AGBL4: variants seen among roughly 807,000 people sequenced by gnomAD.
The protein encoded by AGBL4 is AGBL carboxypeptidase 4.
Under a neutral mutation model 66.4 loss-of-function variants are expected in AGBL4, and 58 were observed. The observed-to-expected ratio is 0.87, with a 90% CI of 0.71 to 1.09. The LOEUF (loss-of-function observed/expected upper bound fraction) is 1.09. AGBL4 is among the 50% of genes least tolerant of loss of function. The pLI is 0.00. For missense variants in AGBL4, 579 were observed against 631.0 expected (o/e 0.92, Z 0.88); for synonymous variants, 234 against 222.9 (o/e 1.05, Z -0.44).
intron 3 of AGBL4, among the ~76,000 whole-genome samples, chr1:49,629,968 C>T (rs1452884328): frequency 1.3e-5 from 2 of 152,104 alleles, no homozygotes; most frequent in South Asian, 2.1e-4. Flanking sequence ...TCTGGTTTGT[C>T]GATAGGGACA....
At chr1:50,019,069 C>T (rs2148449528) in intron 1 of AGBL4, among the ~76,000 whole-genome samples, 1 of 152,116 alleles carries the variant, frequency 6.6e-6, no homozygotes, top group South Asian at 2.1e-4. Flanking sequence ...TGTTTGATTA[C>T]ATCTTACTAT....
intron 4 of AGBL4, among the ~76,000 whole-genome samples, chr1:49,220,865 T>C (rs974629090): frequency 3.3e-5 from 5 of 152,196 alleles, no homozygotes; most frequent in Admixed American, 2.6e-4. Flanking sequence ...CTATGAAGAT[T>C]AATGCAGGAA....
intron 6 of AGBL4, among the ~76,000 whole-genome samples, chr1:48,822,245 CAT>C (rs1646332350): frequency 6.6e-6 from 1 of 152,118 alleles, no homozygotes; most frequent in Non-Finnish European, 1.5e-5. Flanking sequence ...ATGATGATAG[CAT>C]ATTTTTCCAG....
chr1:49,988,645 A>G (rs923576274), intron 1 of AGBL4, among the ~76,000 whole-genome samples: 2 of 152,210 alleles, frequency 1.3e-5, no homozygotes, highest in Non-Finnish European at 2.9e-5. Context: ...GACTAGTTTT[A>G]CTATTTAACT....
chr1:49,392,024 T>C (rs1644861516), intron 3 of AGBL4, among the ~76,000 whole-genome samples: 1 of 152,200 alleles, frequency 6.6e-6, no homozygotes, highest in African/African-American at 2.4e-5. Flanking sequence ...GTTCTAGATA[T>C]AACTTGATCT....
intron 3 of AGBL4, among the ~76,000 whole-genome samples, chr1:49,394,476 A>G (rs1007232980): frequency 6.6e-6 from 1 of 152,084 alleles, no homozygotes; most frequent in Admixed American, 6.6e-5. Context: ...TGTAAGAAAC[A>G]CAGGGTCAGA....
intron 2 of AGBL4, among the ~76,000 whole-genome samples, chr1:49,740,471 G>C (rs1204732120): frequency 2.0e-5 from 3 of 152,082 alleles, no homozygotes; most frequent in Non-Finnish European, 4.4e-5. Context: ...ACACCCCACT[G>C]TCAATATTAG....
At chr1:48,668,389 A>C (rs572236294) in intron 6 of AGBL4, among the ~76,000 whole-genome samples, 4 of 150,402 alleles carry the variant, frequency 2.7e-5, no homozygotes, top group African/African-American at 4.9e-5. Flanking sequence ...ACCCTTCAGC[A>C]GTGCTCTATT....
rs1167149479 is a variant in AGBL4, at chr1:49,111,216, C to T, written c.378-65416G>A. 2.6e-5 allele frequency among the ~76,000 whole-genome samples: 4 copies of T among 151,944 alleles called. No individual in the cohort carries two copies. In the East Asian group the frequency reaches 7.7e-4, roughly 29 times the overall value. ...GCAAGTTTCGCCTCCCAGGTTCACG[C>T]CATTCTCCTGCTTCAGCCTCCCAAT... On this transcript the variant is annotated intron_variant, in intron 4 of 13. Coordinates refer to ENST00000371839, the MANE Select transcript of AGBL4 (RefSeq NM_032785.4).
In AGBL4 at chr1:49,372,671, CTTT is replaced by C. The variant is rs1644387651; in HGVS notation, c.283-126810_283-126808del. On this transcript the variant is annotated intron_variant, in intron 3 of 13. Transcript: ENST00000371839. ...TCTTTCTTTCTTTCTTTCTTTCTTT[CTTT>C]CTTTCTCTTTCTTTCTCTTTCTTTC... is the stretch of plus-strand genomic sequence containing the variant. 8.8e-5 allele frequency among the ~76,000 whole-genome samples: 10 copies of C among 113,656 alleles called. 1 individual carries two copies. The highest frequency in any genetic ancestry group is 6.7e-4 in the Admixed American group (7 of 10,396). The allele number at this position is 113,656 out of a possible 152,430, so 74.6% of individuals were successfully genotyped here.
At chr1:49,617,256 T>C (rs1395566831) in intron 3 of AGBL4, among the ~76,000 whole-genome samples, 1 of 152,194 alleles carries the variant, frequency 6.6e-6, no homozygotes, top group Non-Finnish European at 1.5e-5. Context: ...CTGTGTCTTC[T>C]GCTTCATATG....
At chr1:49,109,435 C>G (rs968695804) in intron 4 of AGBL4, among the ~76,000 whole-genome samples, 1 of 152,206 alleles carries the variant, frequency 6.6e-6, no homozygotes, top group East Asian at 1.9e-4. Flanking sequence ...GACTATTACT[C>G]TCCACCTGGG....
intron 3 of AGBL4, among the ~76,000 whole-genome samples, chr1:49,451,970 A>G (rs1468998921): frequency 6.6e-6 from 1 of 151,952 alleles, no homozygotes. Flanking sequence ...ACAATATTAG[A>G]CAGAACTTTG....
chr1:48,760,625 G>A (rs1644208329), intron 6 of AGBL4, among the ~76,000 whole-genome samples: 1 of 152,212 alleles, frequency 6.6e-6, no homozygotes, highest in Admixed American at 6.5e-5. Flanking sequence ...CAGGCGCATA[G>A]CAGGAGTACA....
chr1:49,744,907 T>C (rs1650865068), intron 2 of AGBL4, among the ~76,000 whole-genome samples: 1 of 152,008 alleles, frequency 6.6e-6, no homozygotes, highest in African/African-American at 2.4e-5. Flanking sequence ...CAGAAGAAAA[T>C]AACTCAAAAA....
chr1:48,815,844 G>A (rs766744162), intron 6 of AGBL4, among the ~76,000 whole-genome samples: 5 of 152,136 alleles, frequency 3.3e-5, no homozygotes, highest in South Asian at 2.1e-4. Flanking sequence ...TAATTACAAC[G>A]CTAATGTTAT....
chr1:49,845,930 T>A, intron 2 of AGBL4: 2 of 1,479,102 alleles, frequency 1.4e-6, no homozygotes, highest in Non-Finnish European at 1.9e-6. Context: ...ATGCAATGAC[T>A]GCAGCAAGGC....
chr1:49,985,441 C>T (rs1029536551), intron 1 of AGBL4, among the ~76,000 whole-genome samples: 5 of 149,420 alleles, frequency 3.3e-5, no homozygotes, highest in Admixed American at 6.6e-5. Flanking sequence ...TGGGTGTAGA[C>T]GATGGATGGA....
intron 3 of AGBL4, among the ~76,000 whole-genome samples, chr1:49,474,925 T>C (rs1646817199): frequency 6.6e-6 from 1 of 152,082 alleles, no homozygotes; most frequent in Admixed American, 6.5e-5. Context: ...AGATGCCTTT[T>C]ATTTCTTCCT....
Sources: allele counts gnomAD v4.1 joint callset (sites outside exome capture counted in the v4.1 genomes callset), GRCh38; gene constraint gnomAD v4.1.1; transcripts MANE v1.5; gene names NCBI Gene and HGNC (gene_info 2026-07-23, HGNC 2026-07-21).